The following BBOF1 variants were observed in gnomAD, a reference collection of about 807,000 sequenced individuals.
BBOF1 encodes the protein basal body orientation factor 1, also known as basal body-orientation factor 1.
Under a neutral mutation model 68.0 loss-of-function variants are expected in BBOF1, and 62 were observed. The observed-to-expected ratio is 0.91, with a 90% CI of 0.74 to 1.13. BBOF1 has a LOEUF of 1.13. Ranked by LOEUF, BBOF1 falls within the 50% of genes most tolerant of loss-of-function variation. The pLI is 0.00. For synonymous variants in BBOF1, 208 were observed against 198.8 expected (o/e 1.05, Z -0.39); for missense variants, 534 against 600.1 (o/e 0.89, Z 1.15).
chr14:74,072,686 T>C (rs921900371), intron 9 of BBOF1: 3 of 1,519,680 alleles, frequency 2.0e-6, no homozygotes, highest in Middle Eastern at 1.7e-4. Flanking sequence ...TGCTTTTCCC[T>C]TTCCCTTGCA....
chr14:74,072,633 A>G, intron 9 of BBOF1: 1 of 1,611,268 alleles, frequency 6.2e-7, no homozygotes, highest in Non-Finnish European at 8.5e-7. Flanking sequence ...AAACAAACAA[A>G]CAAACAAACA....
At chr14:74,061,294 CATTT>C (rs201254770) in intron 11 of BBOF1, among the ~76,000 whole-genome samples, 2 of 149,286 alleles carry the variant, frequency 1.3e-5, no homozygotes, top group African/African-American at 2.5e-5. Context: ...TATAGTAGGC[CATTT>C]ATTTATTTAT....
At chr14:74,074,023 C>T (rs998287589) in intron 9 of BBOF1, among the ~76,000 whole-genome samples, 4 of 149,270 alleles carry the variant, frequency 2.7e-5, no homozygotes, top group South Asian at 2.1e-4. Context: ...TCTACTTTGT[C>T]ACCCAGGTTG....
At position 74,057,648 on chromosome 14, in the gene BBOF1, T is replaced by G. The variant is rs114251476; in HGVS notation, c.1578+390T>G. The G allele has an allele frequency of 0.01, 13,515 of 1,330,040 alleles. 384 individuals carry two copies. Among genetic ancestry groups the G allele is most frequent in the African/African-American group, 0.096 (6,426 of 66,620 alleles). The allele number at this position is 1,330,040 out of a possible 1,614,324, so 82.4% of individuals were successfully genotyped here. On this transcript the variant is annotated intron_variant, in intron 11 of 11. Coordinates refer to ENST00000394009, the MANE Select transcript of BBOF1 (RefSeq NM_025057.3). ...GGCTTATAAGGAGATATGAAATGAT[T>G]TTTTTAAGCCAAGTTTTTCTCTTTA... is the stretch of plus-strand genomic sequence containing the variant.
chr14:74,022,489 G>A (rs2059325913), intron 1 of BBOF1, among the ~76,000 whole-genome samples: 1 of 152,122 alleles, frequency 6.6e-6, no homozygotes, highest in Admixed American at 6.6e-5. Context: ...CAGAGGTTCT[G>A]GGGAGCCGAG....
chr14:74,067,349 A>G, downstream of BBOF1: 1 of 1,611,956 alleles, frequency 6.2e-7, no homozygotes, highest in Non-Finnish European at 8.5e-7. Flanking sequence ...CAGATGCAAA[A>G]TCTAAGGGGG....
chr14:74,053,461 G>T (rs993088386), intron 8 of BBOF1, among the ~76,000 whole-genome samples: 16 of 151,370 alleles, frequency 1.1e-4, no homozygotes, highest in Non-Finnish European at 2.1e-4. Flanking sequence ...AGGTTGGAGT[G>T]CAGTGGCACC....
chr14:74,026,897 C>T (rs1414304557), intron 2 of BBOF1, among the ~76,000 whole-genome samples: 2 of 150,724 alleles, frequency 1.3e-5, no homozygotes, highest in South Asian at 2.1e-4. Flanking sequence ...TGCACTCCAC[C>T]CTCAGGGACA....
At chr14:74,061,197 C>T (rs928879665) in intron 11 of BBOF1, among the ~76,000 whole-genome samples, 1 of 151,806 alleles carries the variant, frequency 6.6e-6, no homozygotes, top group South Asian at 2.1e-4. Flanking sequence ...AGGCTGGTCT[C>T]GAACTCCCGG....
At chr14:74,039,451 G>A (rs1174896943) in intron 4 of BBOF1, among the ~76,000 whole-genome samples, 1 of 151,912 alleles carries the variant, frequency 6.6e-6, no homozygotes, top group Non-Finnish European at 1.5e-5. Flanking sequence ...TTTTTGAGAC[G>A]GAGTTTCACT....
At chr14:74,081,171 C>T (rs2060664309) in intron 11 of BBOF1, 1 of 152,224 alleles carries the variant, frequency 6.6e-6, no homozygotes, top group Admixed American at 6.5e-5. Context: ...CTTTATTTCT[C>T]ATCTCACGCT....
At chr14:74,055,282 G>A in intron 8 of BBOF1, 1 of 269,714 alleles carries the variant, frequency 3.7e-6, no homozygotes, top group Non-Finnish European at 7.2e-6. Context: ...CCGAGTAGCT[G>A]GGATTACAGA....
At chr14:74,037,692 G>A (rs2059739876) in intron 4 of BBOF1, among the ~76,000 whole-genome samples, 1 of 151,618 alleles carries the variant, frequency 6.6e-6, no homozygotes, top group African/African-American at 2.4e-5. Flanking sequence ...GGTGGCTCAC[G>A]CCTGTAATAC....
chr14:74,075,663 A>G (rs969791123), intron 9 of BBOF1, among the ~76,000 whole-genome samples: 1 of 152,108 alleles, frequency 6.6e-6, no homozygotes, highest in African/African-American at 2.4e-5. Context: ...TCTCAAAAAA[A>G]AAAATCAATG....
chr14:74,043,674 C>T (rs1400295359), intron 5 of BBOF1, among the ~76,000 whole-genome samples: 7 of 150,158 alleles, frequency 4.7e-5, no homozygotes, highest in East Asian at 2.1e-4. Flanking sequence ...AACTGGTTCT[C>T]CTGCCTCAGC....
intron 5 of BBOF1, among the ~76,000 whole-genome samples, chr14:74,045,686 T>A (rs34926712): frequency 0.11 from 16,987 of 152,182 alleles, 1,248 homozygotes; most frequent in Admixed American, 0.19. Context: ...GAGATCAAGA[T>A]TAGGGTGGAG....
At chr14:74,076,855 A>G (rs1045028177) in intron 9 of BBOF1, among the ~76,000 whole-genome samples, 4 of 152,076 alleles carry the variant, frequency 2.6e-5, no homozygotes, top group African/African-American at 9.7e-5. Context: ...CAGCCTATAT[A>G]TATGTTATCA....
intron 9 of BBOF1, 66 bp from the exon 10 acceptor site, chr14:74,056,840 G>T: frequency 9.3e-7 from 1 of 1,075,948 alleles, no homozygotes; most frequent in Non-Finnish European, 1.4e-6. Context: ...AATACAAAAA[G>T]AAAATATGAA....
At chr14:74,034,590 G>A (rs1433499940) in intron 4 of BBOF1, among the ~76,000 whole-genome samples, 1 of 152,192 alleles carries the variant, frequency 6.6e-6, no homozygotes, top group Admixed American at 6.5e-5. Context: ...GAAACACTGA[G>A]TACTTTCAGA....
Sources: allele counts gnomAD v4.1 joint callset (sites outside exome capture counted in the v4.1 genomes callset), GRCh38; gene constraint gnomAD v4.1.1; transcripts MANE v1.5; gene names NCBI Gene and HGNC (gene_info 2026-07-23, HGNC 2026-07-21).